TEAD4: variants seen among roughly 807,000 people sequenced by gnomAD.
The protein encoded by TEAD4 is TEA domain transcription factor 4.
In TEAD4, 36 loss-of-function variants were observed where a neutral mutation model predicts 52.4. The ratio of observed to expected loss-of-function variants is 0.69; its 90% confidence interval spans 0.53 to 0.91. The LOEUF (loss-of-function observed/expected upper bound fraction) is 0.91. Ranked by LOEUF, TEAD4 falls within the 40% of genes least tolerant of loss-of-function variation. The pLI, the probability that TEAD4 is intolerant of heterozygous loss-of-function variation, is 0.00. For missense variants in TEAD4, 508 were observed against 583.9 expected (o/e 0.87, Z 1.34); for synonymous variants, 220 against 231.0 (o/e 0.95, Z 0.43).
rs78551487 is a variant in TEAD4, at chr12:3,022,033, C to G, written c.897+16C>G. ...GAAGTTCTGGGTAAGCCTGTGATAA[C>G]CCCTTCTTTCCTGCCACCAGCGTGT... On this transcript the variant is annotated intron_variant, in intron 10 of 12. Coordinates refer to ENST00000359864, the MANE Select transcript of TEAD4 (RefSeq NM_003213.4). 39 of 1,612,718 alleles carry G rather than the reference C, an allele frequency of 2.4e-5. No individual in the cohort carries two copies. In the Admixed American group the frequency reaches 6.5e-4, roughly 27 times the overall value.
chr12:3,022,106 A>T, intron 10 of TEAD4, 89 bp downstream of exon 10: 1 of 1,519,590 alleles, frequency 6.6e-7, no homozygotes, highest in Non-Finnish European at 8.9e-7. Context: ...TGCCCTTGTC[A>T]CAGTAGAAAC....
chr12:2,971,614 T>G (rs1469151810), intron 2 of TEAD4, among the ~76,000 whole-genome samples: 2 of 149,992 alleles, frequency 1.3e-5, no homozygotes, highest in African/African-American at 4.9e-5. Flanking sequence ...TAGCTGGGAC[T>G]ACAGGCACCC....
chr12:2,999,799 C>A (rs1368077197), intron 3 of TEAD4, among the ~76,000 whole-genome samples: 1 of 152,220 alleles, frequency 6.6e-6, no homozygotes, highest in Non-Finnish European at 1.5e-5. Context: ...TGCCTGCTCC[C>A]CGCCTTCCCC....
At chr12:3,006,975 G>A (rs2098256441) in intron 3 of TEAD4, among the ~76,000 whole-genome samples, 2 of 152,028 alleles carry the variant, frequency 1.3e-5, no homozygotes, top group African/African-American at 4.8e-5. Context: ...GCGGTAAGCC[G>A]AGATCACACC....
intron 2 of TEAD4, among the ~76,000 whole-genome samples, chr12:2,974,856 G>C (rs1320576581): frequency 6.6e-6 from 1 of 152,116 alleles, no homozygotes; most frequent in Non-Finnish European, 1.5e-5. Flanking sequence ...ACCCACCCCC[G>C]AGGCTGAGGA....
chr12:2,997,795 C>G (rs1044229491), intron 3 of TEAD4, among the ~76,000 whole-genome samples: 1 of 123,314 alleles, frequency 8.1e-6, no homozygotes, highest in Admixed American at 8.3e-5. Context: ...GCTTTGAGGA[C>G]TTGCTTTTTC....
chr12:3,040,144 AC>A lies in TEAD4; in HGVS notation c.1078del (p.Arg360AlafsTer11). 6.2e-7 allele frequency: 1 copy of A among 1,614,166 alleles called. No individual in the cohort carries two copies. The highest frequency in any genetic ancestry group is 8.5e-7 in the Non-Finnish European group (1 of 1,180,030). ...CGCTATGAGAATGGACACTACTCTT[AC>A]CGCATCCACCGGTCCCCGCTCTGTG... On this transcript the variant is annotated frameshift_variant, in exon 12 of 13. Transcript: ENST00000359864. LOFTEE classifies it high-confidence loss of function.
At chr12:3,037,531 C>T (rs2098280151) in intron 10 of TEAD4, among the ~76,000 whole-genome samples, 1 of 152,176 alleles carries the variant, frequency 6.6e-6, no homozygotes, top group African/African-American at 2.4e-5. Context: ...TTTCTGTTCT[C>T]ATGCTTCCTG....
intron 9 of TEAD4, among the ~76,000 whole-genome samples, chr12:3,021,573 A>G (rs1366356588): frequency 1.3e-5 from 2 of 152,092 alleles, no homozygotes; most frequent in Non-Finnish European, 2.9e-5. Flanking sequence ...GGCCTCCCAA[A>G]GTGCTGGGAT....
At chr12:3,030,355 C>T (rs979964684) in intron 10 of TEAD4, among the ~76,000 whole-genome samples, 8 of 152,130 alleles carry the variant, frequency 5.3e-5, no homozygotes, top group Non-Finnish European at 8.8e-5. Flanking sequence ...GATCTTCTAC[C>T]GATGCATGGG....
intron 9 of TEAD4, 27 bp downstream of exon 9, chr12:3,020,800 C>A: frequency 6.5e-7 from 1 of 1,531,926 alleles, no homozygotes; most frequent in Non-Finnish European, 8.8e-7. Context: ...GCCTGTCCAG[C>A]TCCCTGGTCA....
At chr12:2,997,058 A>G (rs971241078) in intron 3 of TEAD4, among the ~76,000 whole-genome samples, 1 of 152,196 alleles carries the variant, frequency 6.6e-6, no homozygotes, top group Non-Finnish European at 1.5e-5. Flanking sequence ...TAGGTAGTCC[A>G]GGGAAGGTGT....
chr12:3,021,362 G>A lies in TEAD4; in HGVS notation c.724-482G>A, dbSNP rs187614907. ...CCTCACTCTGTCACCCAGGCTGGGA[G>A]TGCAGTGGCATGATCTCAGCTTACT... On this transcript the variant is annotated intron_variant, in intron 9 of 12. Coordinates refer to ENST00000359864, the MANE Select transcript of TEAD4 (RefSeq NM_003213.4). 8.0e-5 allele frequency among the ~76,000 whole-genome samples: 12 copies of A among 150,098 alleles called. No individual in the cohort carries two copies. The East Asian group carries it at 1.4e-3, about 17-fold the overall frequency.
At chr12:2,989,184 C>T (rs1485277158) in intron 2 of TEAD4, among the ~76,000 whole-genome samples, 2 of 152,098 alleles carry the variant, frequency 1.3e-5, no homozygotes, top group African/African-American at 2.4e-5. Context: ...AAGCAACCCT[C>T]CTGCCTCTCG....
At chr12:3,019,039 AC>A (rs2098266700) in intron 7 of TEAD4, 75 bp from the exon 8 acceptor site, 1 of 1,562,708 alleles carries the variant, frequency 6.4e-7, no homozygotes, top group Non-Finnish European at 8.8e-7. Flanking sequence ...TACCACACAG[AC>A]CACTGGACCC....
At chr12:3,023,398 AAAAT>A (rs2098269983) in intron 10 of TEAD4, among the ~76,000 whole-genome samples, 4 of 152,198 alleles carry the variant, frequency 2.6e-5, no homozygotes, top group Admixed American at 1.3e-4. Context: ...TCTGGAATGA[AAAAT>A]AAGTAGTATT....
chr12:3,031,137 T>C (rs1199021411), intron 10 of TEAD4, among the ~76,000 whole-genome samples: 2 of 152,168 alleles, frequency 1.3e-5, no homozygotes, highest in Non-Finnish European at 2.9e-5. Flanking sequence ...GTTGTGGGAA[T>C]TGGAACCTGT....
At chr12:2,984,948 A>G (rs1390573941) in intron 2 of TEAD4, among the ~76,000 whole-genome samples, 2 of 152,192 alleles carry the variant, frequency 1.3e-5, no homozygotes, top group Non-Finnish European at 2.9e-5. Flanking sequence ...ACACTAGGAC[A>G]TTACTGATAC....
At chr12:2,962,346 A>ATATATTT (rs1350931012) in intron 2 of TEAD4, among the ~76,000 whole-genome samples, 11 of 128,046 alleles carry the variant, frequency 8.6e-5, no homozygotes, top group South Asian at 2.4e-4. Context: ...ATATATATAT[A>ATATATTT]TTTTTTGAGA....
Sources: allele counts gnomAD v4.1 joint callset (sites outside exome capture counted in the v4.1 genomes callset), GRCh38; gene constraint gnomAD v4.1.1; transcripts MANE v1.5; gene names NCBI Gene and HGNC (gene_info 2026-07-23, HGNC 2026-07-21).